Variants in NIN observed in about 807,000 individuals in gnomAD.
NIN encodes glycogen synthase kinase 3 beta-interacting protein.
Under a neutral mutation model 257.6 loss-of-function variants are expected in NIN, and 137 were observed. That is an observed-to-expected ratio of 0.53 (90% CI 0.46 to 0.61). NIN has a LOEUF of 0.61. Among genes scored for constraint, NIN ranks in the 20% least tolerant of loss-of-function variants. The probability of loss-of-function intolerance (pLI) is 0.00; values close to 1 mark genes in which losing one functional copy is unlikely to be tolerated. For missense variants in NIN, 2,439 were observed against 2,501.2 expected (o/e 0.98, Z 0.53); for synonymous variants, 918 against 919.8 (o/e 1.00, Z 0.04).
intron 5 of NIN, among the ~76,000 whole-genome samples, chr14:50,779,540 C>T (rs192171383): frequency 5.9e-5 from 9 of 152,142 alleles, no homozygotes; most frequent in South Asian, 4.1e-4. Flanking sequence ...GGGCGGATCA[C>T]GAGGTCAGGA....
At position 50,739,490 on chromosome 14, in the gene NIN, T is replaced by C; in HGVS notation, c.5449-3A>G. ...GTAGCTATCTCTGGGGCCCAGCTCT[T>C]AAGAGAATTGCAGAGTGTAAGCCTT... On this transcript the variant is annotated splice_region_variant and splice_polypyrimidine_tract_variant and intron_variant, in intron 25 of 30. Transcript: ENST00000530997. 1 of 1,613,958 alleles carries C rather than the reference T, an allele frequency of 6.2e-7. No homozygotes were observed. The highest frequency in any genetic ancestry group is 1.1e-5 in the South Asian group (1 of 91,068).
intron 4 of NIN, among the ~76,000 whole-genome samples, chr14:50,803,389 C>G (rs756331942): frequency 3.6e-4 from 55 of 152,288 alleles, no homozygotes; most frequent in South Asian, 8.3e-4. Context: ...CTGGCCCCTT[C>G]TGGTATAAGA....
chr14:50,734,158 C>T (rs1041017736), intron 28 of NIN, among the ~76,000 whole-genome samples: 3 of 150,268 alleles, frequency 2.0e-5, no homozygotes, highest in Admixed American at 6.6e-5. Context: ...GACGTGATCT[C>T]GGCTCACTGC....
At chr14:50,725,746 T>G (rs1318579895) in intron 30 of NIN, 52 of 820,774 alleles carry the variant, frequency 6.3e-5, no homozygotes, top group Non-Finnish European at 5.7e-6. Flanking sequence ...AAACATGCCT[T>G]AAACAGAGCT....
chr14:50,753,046 CTT>C (rs558984087), intron 20 of NIN, among the ~76,000 whole-genome samples: 20 of 152,174 alleles, frequency 1.3e-4, no homozygotes, highest in Non-Finnish European at 2.5e-4. Flanking sequence ...CTTTTCTTCT[CTT>C]TAGCAAAATT....
intron 5 of NIN, among the ~76,000 whole-genome samples, chr14:50,790,845 C>A (rs920988208): frequency 6.6e-6 from 1 of 152,166 alleles, no homozygotes; most frequent in Admixed American, 6.5e-5. Context: ...ATCAAAGTCT[C>A]ACTTTAAAAA....
chr14:50,775,089 A>T (rs1192301102), intron 7 of NIN, among the ~76,000 whole-genome samples: 1 of 152,238 alleles, frequency 6.6e-6, no homozygotes, highest in Non-Finnish European at 1.5e-5. Flanking sequence ...ATCAGAAAGT[A>T]GCGAGTGCTG....
At chr14:50,803,138 G>A (rs1434963478) in intron 4 of NIN, among the ~76,000 whole-genome samples, 2 of 152,146 alleles carry the variant, frequency 1.3e-5, no homozygotes, top group East Asian at 3.8e-4. Context: ...TAGATCACAA[G>A]GTCAGGAGTT....
In NIN at chr14:50,766,529, A is replaced by C. The variant is rs115303520; in HGVS notation, c.1546-133T>G. 2.5e-3 allele frequency: 1,951 copies of C among 772,972 alleles called. 32 individuals carry two copies. In the African/African-American group the frequency reaches 0.028, roughly 11 times the overall value. The allele number at this position is 772,972 out of a possible 1,614,324, so 47.9% of individuals were successfully genotyped here. A position where few individuals can be genotyped will look rare whatever the true frequency, so the allele number is the denominator to read the frequency against. On this transcript the variant is annotated intron_variant, in intron 13 of 30. Coordinates refer to ENST00000530997, the MANE Select transcript of NIN (RefSeq NM_020921.4). ...GGAATGTGACATGTAAGCACGAACA[A>C]CACCAACTGGGTGATGGGGAGAACG...
chr14:50,783,316 A>G (rs1174999005), intron 5 of NIN, among the ~76,000 whole-genome samples: 3 of 151,572 alleles, frequency 2.0e-5, no homozygotes, highest in Non-Finnish European at 4.4e-5. Context: ...TCGGCCTCCC[A>G]AAGTGTTGGG....
At chr14:50,735,062 G>C (rs760003071) in intron 28 of NIN, among the ~76,000 whole-genome samples, 1 of 152,138 alleles carries the variant, frequency 6.6e-6, no homozygotes, top group Non-Finnish European at 1.5e-5. Flanking sequence ...ATGAAGAATA[G>C]CAGCACTTGA....
rs150912144 is a variant in NIN at position 50,739,311 on chromosome 14, C to T, written c.5625G>A (p.Glu1875=). 4 of 1,613,968 alleles carry T rather than the reference C, an allele frequency of 2.5e-6. No individual in the cohort carries two copies. In the African/African-American group the frequency reaches 5.3e-5, roughly 22 times the overall value. ...GATGTGCAGCTTCTCCAATTACCTT[C>T]TCCCGGGAGTGCGTGAGTTCGGCTT... ...NTKAELTHSR[E]KVRQLESNLL... Residue 1875 remains glutamate, a synonymous_variant, in exon 26 of 31, where the codon GAG becomes GAA. Coordinates refer to ENST00000530997, the MANE Select transcript of NIN (RefSeq NM_020921.4).
intron 3 of NIN, among the ~76,000 whole-genome samples, chr14:50,811,544 C>T (rs1199934630): frequency 1.2e-3 from 90 of 75,284 alleles, no homozygotes; most frequent in African/African-American, 1.3e-3. Context: ...AATGGTCAAG[C>T]TTTTTTTTTT....
chr14:50,735,542 CTTGT>C lies in NIN; in HGVS notation c.5847_5850del (p.Gln1950Ter). ...TCCATGAGCTGCTCATCCAGTTTTA[CTTGT>C]TTCTTTTTCAGGCCTTCATTTTCCA... On this transcript the variant is annotated frameshift_variant, in exon 28 of 31. Transcript: ENST00000530997. LOFTEE classifies it high-confidence loss of function. 6.2e-7 allele frequency: 1 copy of C among 1,613,140 alleles called. No individual in the cohort carries two copies. Among genetic ancestry groups the C allele is most frequent in the Non-Finnish European group, 8.5e-7 (1 of 1,179,954 alleles).
intron 30 of NIN, 75 bp downstream of exon 30, chr14:50,725,878 G>C (rs768836191): frequency 1.9e-6 from 3 of 1,611,888 alleles, no homozygotes; most frequent in South Asian, 2.2e-5. Context: ...CGAGTTAATG[G>C]CAATAAAGGG....
At chr14:50,805,219 T>G (rs2044269878) in intron 4 of NIN, among the ~76,000 whole-genome samples, 1 of 151,610 alleles carries the variant, frequency 6.6e-6, no homozygotes, top group South Asian at 2.1e-4. Flanking sequence ...CAACCATAGC[T>G]CTATTCAGGC....
At chr14:50,810,827 AT>A (rs2044562977) in intron 3 of NIN, among the ~76,000 whole-genome samples, 1 of 151,028 alleles carries the variant, frequency 6.6e-6, no homozygotes, top group Admixed American at 6.6e-5. Flanking sequence ...TGCCTGGCTA[AT>A]TTTTTTTGTA....
chr14:50,722,680 G>A lies in NIN; in HGVS notation c.*783C>T, dbSNP rs1047193322. 1.4e-5 allele frequency: 3 copies of A among 217,084 alleles called. No homozygotes were observed. Among genetic ancestry groups the A allele is most frequent in the African/African-American group, 4.5e-5 (2 of 44,496 alleles). 13.4% of individuals were successfully genotyped at this position (217,084 alleles called of 1,614,324 possible). ...GTAGCTATTTACTCCAAAGTGGTTT[G>A]TTCAGTGCTTTCCCTATAGTTCAAC... On this transcript the variant is annotated 3_prime_UTR_variant, in exon 31 of 31. Transcript: ENST00000530997.
chr14:50,785,480 GT>G (rs2141958799), intron 5 of NIN, among the ~76,000 whole-genome samples: 1 of 152,192 alleles, frequency 6.6e-6, no homozygotes, highest in Non-Finnish European at 1.5e-5. Context: ...GTGGTTTTTT[GT>G]TTTTGTTTTT....
Sources: allele counts gnomAD v4.1 joint callset (sites outside exome capture counted in the v4.1 genomes callset), GRCh38; gene constraint gnomAD v4.1.1; transcripts MANE v1.5; gene names NCBI Gene and HGNC (gene_info 2026-07-23, HGNC 2026-07-21).